Variants in DNAH5 observed in about 807,000 individuals in gnomAD.
DNAH5 encodes dynein axonemal heavy chain 5, also known as axonemal beta dynein heavy chain 5.
In DNAH5, 372 loss-of-function variants were observed where a neutral mutation model predicts 518.2. The observed-to-expected ratio is 0.72, with a 90% CI of 0.66 to 0.78. DNAH5 has a LOEUF of 0.78. Ranked by LOEUF, DNAH5 falls within the 30% of genes least tolerant of loss-of-function variation. The pLI, the probability that DNAH5 is intolerant of heterozygous loss-of-function variation, is 0.00. For missense variants in DNAH5, 5,523 were observed against 5,687.0 expected (o/e 0.97, Z 0.93); for synonymous variants, 2,039 against 2,025.9 (o/e 1.01, Z -0.17).
intron 8 of DNAH5, among the ~76,000 whole-genome samples, chr5:13,916,667 A>T (rs182784287): frequency 1.5e-4 from 23 of 152,222 alleles, no homozygotes; most frequent in Admixed American, 1.3e-3. Flanking sequence ...TGGAAGAAAC[A>T]TTGACCCACT....
intron 63 of DNAH5, among the ~76,000 whole-genome samples, chr5:13,752,925 A>G (rs1436153208): frequency 1.3e-5 from 2 of 152,238 alleles, no homozygotes; most frequent in Non-Finnish European, 2.9e-5. Context: ...GGAAGTATTC[A>G]TGCAAAGTGC....
chr5:13,874,401 G>A (rs1188602557), intron 22 of DNAH5, among the ~76,000 whole-genome samples: 2 of 152,138 alleles, frequency 1.3e-5, no homozygotes, highest in African/African-American at 4.8e-5. Flanking sequence ...TCACATGAAG[G>A]TAACCTAGAC....
chr5:13,816,563 AAC>A (rs751050404), intron 42 of DNAH5, among the ~76,000 whole-genome samples: 2,243 of 113,508 alleles, frequency 0.02, 66 homozygotes, highest in African/African-American at 0.067. Context: ...GGAAAAAAAA[AAC>A]AAAAAAACCT....
intron 2 of DNAH5, among the ~76,000 whole-genome samples, chr5:13,930,463 G>A (rs1191474528): frequency 6.6e-6 from 1 of 152,052 alleles, no homozygotes; most frequent in Admixed American, 6.5e-5. Flanking sequence ...CAGCAAAAAG[G>A]GCTTGTCTTC....
intron 35 of DNAH5, among the ~76,000 whole-genome samples, chr5:13,831,670 CAG>C (rs1344136479): frequency 2.0e-5 from 3 of 152,126 alleles, no homozygotes; most frequent in Admixed American, 2.0e-4. Context: ...TTAATGTATG[CAG>C]AGTCTGGATA....
In DNAH5 at chr5:13,919,364, CG is replaced by C; in HGVS notation, c.799-13del. On this transcript the variant is annotated splice_polypyrimidine_tract_variant and intron_variant, in intron 6 of 78. Transcript: ENST00000265104. ...TTTTCAGCAAGAACCTGCAAATGCGCGGGGAAAAACACGAGCCATTGCACGG... is the reference window on the plus strand; with the variant it reads ...TTTTCAGCAAGAACCTGCAAATGCGCGGGAAAAACACGAGCCATTGCACGG... 6.2e-7 allele frequency: 1 copy of C among 1,612,622 alleles called. No homozygotes were observed. The highest frequency in any genetic ancestry group is 8.5e-7 in the Non-Finnish European group (1 of 1,179,558).
intron 26 of DNAH5, 113 bp from the exon 27 acceptor site, chr5:13,866,019 A>G (rs1411149209): frequency 2.2e-6 from 2 of 902,262 alleles, no homozygotes; most frequent in Non-Finnish European, 3.6e-6. Flanking sequence ...CTCTGGGCAC[A>G]TGTAAATAGG....
chr5:13,785,201 A>T (rs959940914), intron 52 of DNAH5, among the ~76,000 whole-genome samples: 6 of 151,768 alleles, frequency 4.0e-5, no homozygotes, highest in Admixed American at 2.6e-4. Context: ...CATTCTCATA[A>T]GGAGCGTGCA....
chr5:13,810,817 C>A (rs375561250), intron 44 of DNAH5, among the ~76,000 whole-genome samples: 152 of 151,520 alleles, frequency 1.0e-3, no homozygotes, highest in African/African-American at 3.5e-3. Context: ...ACAGTCAAGA[C>A]TTGGAGACAA....
chr5:13,773,766 A>C (rs996568137), intron 55 of DNAH5, among the ~76,000 whole-genome samples: 2 of 152,194 alleles, frequency 1.3e-5, no homozygotes, highest in African/African-American at 4.8e-5. Context: ...TATGGAATGG[A>C]TAACAGAGGA....
chr5:13,903,149 A>G (rs1774878219), intron 12 of DNAH5, among the ~76,000 whole-genome samples: 1 of 152,116 alleles, frequency 6.6e-6, no homozygotes, highest in Non-Finnish European at 1.5e-5. Flanking sequence ...AAACAAGAAC[A>G]CTCAGATTTT....
In DNAH5 at chr5:13,833,131, C is replaced by CAAAAA. The variant is rs57578159; in HGVS notation, c.5883-2361_5883-2357dup. On this transcript the variant is annotated intron_variant, in intron 35 of 78. Coordinates refer to ENST00000265104, the MANE Select transcript of DNAH5 (RefSeq NM_001369.3). ...CAAGGTTGCTAAAGAATGTGTTATC[C>CAAAAA]AAAAAAAAAAAAGAATGTGTTAACA... 1.4e-3 allele frequency among the ~76,000 whole-genome samples: 200 copies of CAAAAA among 140,128 alleles called. 32 individuals carry two copies. Among genetic ancestry groups the CAAAAA allele is most frequent in the East Asian group, 5.0e-3 (23 of 4,642 alleles). The allele number at this position is 140,128 out of a possible 152,430, so 91.9% of individuals were successfully genotyped here.
Position 13,811,823 on chromosome 5 carries a change from C to T in DNAH5, c.7231G>A (p.Gly2411Ser). 1.2e-6 allele frequency: 2 copies of T among 1,613,954 alleles called. No individual in the cohort carries two copies. Among genetic ancestry groups the T allele is most frequent in the African/African-American group, 2.7e-5 (2 of 75,008 alleles). ...SILDWSPILE[G>S]FLKKRSPQEA... is the part of the protein sequence containing the mutation. Reference sequence around the variant, plus strand: ...TGAGGTGAGCGTTTCTTAAGAAAACCCTGTCAGTTCACAGACAAGTGTATT... The same window carrying T: ...TGAGGTGAGCGTTTCTTAAGAAAACTCTGTCAGTTCACAGACAAGTGTATT... The change falls in exon 44 of 79, where the codon GGT becomes AGT. Residue 2411 changes from glycine (G) to serine (S), a missense_variant and splice_region_variant. Transcript: ENST00000265104.
At chr5:13,737,543 T>C (rs750248201) in intron 65 of DNAH5, 48 bp from the exon 66 acceptor site, 34 of 1,592,412 alleles carry the variant, frequency 2.1e-5, no homozygotes, top group African/African-American at 2.7e-5. Context: ...ACAACTCTTG[T>C]TGAGTATTCC....
intron 1 of DNAH5, among the ~76,000 whole-genome samples, chr5:13,981,939 C>T (rs539643199): frequency 7.1e-4 from 108 of 152,280 alleles, no homozygotes; most frequent in Non-Finnish European, 1.2e-3. Flanking sequence ...AAACACAAGG[C>T]GTAAGCTTTA....
At position 13,809,421 on chromosome 5, in the gene DNAH5, T is replaced by A. The variant is rs531232307; in HGVS notation, c.7610-235A>T. ...TACTAGGAAGTATTTTGGAATTTTT[T>A]AAAAATATATATTAGTTTTCAATAG... On this transcript the variant is annotated intron_variant, in intron 45 of 78. Coordinates refer to ENST00000265104, the MANE Select transcript of DNAH5 (RefSeq NM_001369.3). Among the ~76,000 whole-genome samples the A allele has an allele frequency of 1.7e-3, 260 of 152,306 alleles. 2 individuals are homozygous for A. Among genetic ancestry groups the A allele is most frequent in the African/African-American group, 5.9e-3 (244 of 41,566 alleles).
chr5:13,730,497 C>G (rs185439199), intron 68 of DNAH5, among the ~76,000 whole-genome samples: 1 of 151,982 alleles, frequency 6.6e-6, no homozygotes, highest in Admixed American at 6.6e-5. Flanking sequence ...TGCAGTGGCA[C>G]GATCTCGGTT....
intron 74 of DNAH5, among the ~76,000 whole-genome samples, chr5:13,714,832 C>T (rs956958658): frequency 2.6e-4 from 39 of 152,154 alleles, no homozygotes; most frequent in African/African-American, 8.9e-4. Flanking sequence ...AGGCTCATGG[C>T]TCTTTACAGT....
intron 1 of DNAH5, among the ~76,000 whole-genome samples, chr5:13,991,320 G>A (rs1321568699): frequency 2.0e-5 from 3 of 152,160 alleles, no homozygotes; most frequent in Admixed American, 1.3e-4. Context: ...CGGCAAAAAA[G>A]AAAACAGTTC....
Sources: allele counts gnomAD v4.1 joint callset (sites outside exome capture counted in the v4.1 genomes callset), GRCh38; gene constraint gnomAD v4.1.1; transcripts MANE v1.5; gene names NCBI Gene and HGNC (gene_info 2026-07-23, HGNC 2026-07-21).